CERK: variants seen among roughly 807,000 people sequenced by gnomAD.
CERK encodes the protein ceramide kinase.
CERK carries 39 observed loss-of-function variants against 63.4 expected under a neutral mutation model. The observed-to-expected ratio is 0.61, with a 90% confidence interval of 0.48 to 0.80. The LOEUF (loss-of-function observed/expected upper bound fraction) is 0.80. Among genes scored for constraint, CERK ranks in the 30% least tolerant of loss-of-function variants. The pLI is 0.00. For missense variants in CERK, 670 were observed against 714.1 expected (o/e 0.94, Z 0.70); for synonymous variants, 302 against 280.0 (o/e 1.08, Z -0.78).
intron 5 of CERK, among the ~76,000 whole-genome samples, chr22:46,709,051 G>C (rs1377704391): frequency 6.6e-6 from 1 of 152,134 alleles, no homozygotes; most frequent in Non-Finnish European, 1.5e-5. Flanking sequence ...CCATGGGAAG[G>C]CTCTTTGCCC....
At position 46,736,131 on chromosome 22, in the gene CERK, G is replaced by T. The variant is rs147572564; in HGVS notation, c.142+1876C>A. Among the ~76,000 whole-genome samples the T allele has an allele frequency of 2.0e-3, 298 of 152,300 alleles. 2 individuals are homozygous for T. The highest frequency in any genetic ancestry group is 7.1e-3 in the African/African-American group (295 of 41,578). On this transcript the variant is annotated intron_variant, in intron 1 of 12. Coordinates refer to ENST00000216264, the MANE Select transcript of CERK (RefSeq NM_022766.6). ...CAGTCAGGCAGCTCAGGATGAACCC[G>T]CACAAAAGCACCTTGGCTTAGCAAG...
chr22:46,693,295 GATGCC>G, intron 10 of CERK, 127 bp downstream of exon 10: 1 of 716,150 alleles, frequency 1.4e-6, no homozygotes, highest in Non-Finnish European at 2.5e-6. Context: ...AGAAGAAATG[GATGCC>G]TGGTGCCAGA....
rs182253852 is a variant in CERK, at chr22:46,732,689, G to A, written c.142+5318C>T. On this transcript the variant is annotated intron_variant, in intron 1 of 12. Coordinates refer to ENST00000216264, the MANE Select transcript of CERK (RefSeq NM_022766.6). The stretch of plus-strand genomic sequence containing the variant: ...TCACCGGGTCTGCCAGCCCAGAAGC[G>A]TCCTGAAACTTCCCCAGCACAGAGC... Among the ~76,000 whole-genome samples, 451 of 151,396 alleles carry A rather than the reference G, an allele frequency of 3.0e-3. 3 individuals are homozygous for A. The highest frequency in any genetic ancestry group is 5.3e-3 in the Non-Finnish European group (357 of 67,944).
At chr22:46,695,137 G>A (rs2082749611) in intron 9 of CERK, 73 bp downstream of exon 9, 1 of 807,034 alleles carries the variant, frequency 1.2e-6, no homozygotes, top group Non-Finnish European at 2.1e-6. Flanking sequence ...AAATACTTCT[G>A]CATTCACCTT....
At chr22:46,733,690 A>C (rs745690860) in intron 1 of CERK, among the ~76,000 whole-genome samples, 1 of 151,978 alleles carries the variant, frequency 6.6e-6, no homozygotes, top group Non-Finnish European at 1.5e-5. Context: ...TCTGGATTCC[A>C]TCTTGGTTAG....
intron 9 of CERK, chr22:46,693,745 C>T (rs1278814195): frequency 3.1e-5 from 14 of 445,216 alleles, no homozygotes; most frequent in East Asian, 9.0e-5. Flanking sequence ...AGCATGAGGA[C>T]GCTGAGGTGC....
chr22:46,721,597 T>C (rs1271195044), intron 1 of CERK, among the ~76,000 whole-genome samples: 1 of 152,144 alleles, frequency 6.6e-6, no homozygotes, highest in Non-Finnish European at 1.5e-5. Context: ...AAGCAGCAAA[T>C]GCGGACCATT....
chr22:46,711,210 G>C, intron 4 of CERK, 61 bp from the exon 5 acceptor site: 1 of 1,246,652 alleles, frequency 8.0e-7, no homozygotes, highest in Admixed American at 1.7e-5. Context: ...CACGTAAAAG[G>C]CAAATCATCC....
In CERK at chr22:46,703,945, G is replaced by A. The variant is rs73888621; in HGVS notation, c.716-2235C>T. On this transcript the variant is annotated intron_variant, in intron 6 of 12. Coordinates refer to ENST00000216264, the MANE Select transcript of CERK (RefSeq NM_022766.6). The stretch of plus-strand genomic sequence containing the variant: ...CTGCCCTCTGCACCAGCTGACTCCC[G>A]GCCTAGGCCCCTCACCTGTCACCTC... 9.1e-3 allele frequency among the ~76,000 whole-genome samples: 1,246 copies of A among 136,706 alleles called. 20 individuals are homozygous for A. Among genetic ancestry groups the A allele is most frequent in the African/African-American group, 0.032 (1,205 of 37,480 alleles). 89.7% of individuals were successfully genotyped at this position (136,706 alleles called of 152,430 possible). A position where few individuals can be genotyped will look rare whatever the true frequency, so the allele number is the denominator to read the frequency against.
Position 46,712,197 on chromosome 22 carries a change from G to C in CERK, c.476C>G (p.Thr159Ser), listed in dbSNP as rs752405666. The C allele has an allele frequency of 4.6e-5, 75 of 1,614,212 alleles. 1 individual carries two copies. In the South Asian group the frequency reaches 7.8e-4, roughly 17 times the overall value. The change falls in exon 4 of 13, where the codon ACC (threonine) becomes AGC (serine). Residue 159 changes from threonine to serine, a missense_variant. Transcript: ENST00000216264. ...GATGTCAGTGGTGATGGAGGCTAAG[G>C]TGAACAGTGGTGCCACTTTTCTTTC... ...IYERKVAPLF[T>S]LASITTDIIV...
In CERK at chr22:46,699,337, C is replaced by G; in HGVS notation, c.919G>C (p.Gly307Arg). The G allele has an allele frequency of 6.2e-7, 1 of 1,614,116 alleles. No individual in the cohort carries two copies. Residue 307 changes from glycine (G) to arginine (R), a missense_variant, in exon 8 of 13, where the codon GGT (glycine) becomes CGT (arginine). Gly to Arg is a moderately radical substitution (Grantham distance 125). Coordinates refer to ENST00000216264, the MANE Select transcript of CERK (RefSeq NM_022766.6). ...IKDSEKKRWL[G>R]LARYDFSGLK... ...CCTGAAAAGTCGTATCTGGCAAGAC[C>G]CAACCACCGTTTCTTCTCACTGTCC...
intron 1 of CERK, among the ~76,000 whole-genome samples, chr22:46,730,432 A>G (rs1418758621): frequency 6.6e-6 from 1 of 152,088 alleles, no homozygotes; most frequent in African/African-American, 2.4e-5. Flanking sequence ...AAAAAAAAAG[A>G]AGTTTTCAGG....
chr22:46,729,856 G>A (rs908177878), intron 1 of CERK, among the ~76,000 whole-genome samples: 2 of 151,982 alleles, frequency 1.3e-5, no homozygotes, highest in Admixed American at 6.6e-5. Context: ...TGGCTAACAC[G>A]GTGAAACCCT....
rs186385790 is a variant in CERK at position 46,693,315 on chromosome 22, A to G, written c.1126+112T>C. The G allele has an allele frequency of 7.6e-4, 644 of 852,132 alleles. 1 individual carries two copies. In the African/African-American group the frequency reaches 9.9e-3, roughly 13 times the overall value. The allele number at this position is 852,132 out of a possible 1,614,324, so 52.8% of individuals were successfully genotyped here. On this transcript the variant is annotated intron_variant, in intron 10 of 12. Transcript: ENST00000216264. ...AAATGGATGCCTGGTGCCAGACAGGAAAAAGGAAAAGCACAGGTGGGCAGG... is the reference window on the plus strand; with the variant it reads ...AAATGGATGCCTGGTGCCAGACAGGGAAAAGGAAAAGCACAGGTGGGCAGG...
Position 46,687,102 on chromosome 22 carries a change from C to T in CERK, c.*32G>A. ...ATAATTATCTTAAATAGTTTTCACA[C>T]TTTCCCAGTTTGTGAGCAGGACGCC... On this transcript the variant is annotated 3_prime_UTR_variant, in exon 13 of 13. Coordinates refer to ENST00000216264, the MANE Select transcript of CERK (RefSeq NM_022766.6). 1.3e-6 allele frequency: 2 copies of T among 1,587,144 alleles called. No individual in the cohort carries two copies. The highest frequency in any genetic ancestry group is 1.1e-5 in the South Asian group (1 of 90,578).
At chr22:46,695,487 G>T (rs773332253) in intron 8 of CERK, among the ~76,000 whole-genome samples, 172 bp from the exon 9 acceptor site, 1 of 152,256 alleles carries the variant, frequency 6.6e-6, no homozygotes, top group Admixed American at 6.5e-5. Context: ...CAGTGGCAGG[G>T]TCTCTGCCCT....
intron 8 of CERK, among the ~76,000 whole-genome samples, chr22:46,695,992 C>T (rs1002740205): frequency 6.6e-6 from 1 of 152,208 alleles, no homozygotes; most frequent in African/African-American, 2.4e-5. Flanking sequence ...GGCGACTTCA[C>T]TCCTCCGTGT....
intron 6 of CERK, among the ~76,000 whole-genome samples, chr22:46,702,219 A>ATGTGTG (rs912934191): frequency 3.1e-5 from 3 of 97,210 alleles, no homozygotes; most frequent in African/African-American, 1.4e-4. Flanking sequence ...AAAAAAATAT[A>ATGTGTG]TATATGTGTG....
intron 11 of CERK, among the ~76,000 whole-genome samples, chr22:46,691,314 C>G (rs914896491): frequency 6.6e-6 from 1 of 152,136 alleles, no homozygotes; most frequent in African/African-American, 2.4e-5. Flanking sequence ...CTCGGGTGAT[C>G]CGCCTGCCTC....
Sources: gnomAD v4.1 joint callset for allele counts (sites outside exome capture counted in the v4.1 genomes callset) on GRCh38, gnomAD v4.1.1 for gene constraint, MANE v1.5 for transcripts, NCBI Gene and HGNC (gene_info 2026-07-23, HGNC 2026-07-21) for gene names.